The following GABRA3 variants were observed in gnomAD, a reference collection of about 807,000 sequenced individuals.
GABRA3 encodes gamma-aminobutyric acid receptor subunit alpha-3.
GABRA3 carries 10 observed loss-of-function variants against 30.1 expected under a neutral mutation model. The observed-to-expected ratio is 0.33, with a 90% confidence interval of 0.20 to 0.56. The LOEUF (loss-of-function observed/expected upper bound fraction) is 0.56, where lower values mean the gene tolerates loss of function less well. GABRA3 is among the 20% of genes least tolerant of loss of function. The pLI is 0.89. For missense variants in GABRA3, 233 were observed against 392.0 expected, an observed-to-expected ratio of 0.59 and a Z score of 3.42; for synonymous variants, 151 against 146.8, an observed-to-expected ratio of 1.03 and a Z score of -0.21.
chrX:152,435,711 T>C (rs941476264), intron 1 of GABRA3, among the ~76,000 whole-genome samples: 3 of 110,800 alleles, frequency 2.7e-5, no homozygotes, highest in African/African-American at 9.9e-5. Flanking sequence ...ACCTGCACAT[T>C]CTGCACATGT....
chrX:152,389,011 T>C (rs995141911), intron 1 of GABRA3, among the ~76,000 whole-genome samples: 1 of 112,145 alleles, frequency 8.9e-6, no homozygotes, highest in Non-Finnish European at 1.9e-5. Context: ...AGTACTATAG[T>C]AGACAATCAT....
chrX:152,373,768 C>T (rs988445514), intron 1 of GABRA3, among the ~76,000 whole-genome samples: 1 of 109,494 alleles, frequency 9.1e-6, no homozygotes, highest in African/African-American at 3.3e-5. Flanking sequence ...CCAATGCTAT[C>T]CCTCCCCCAT....
chrX:152,446,463 A>T (rs1931089598), intron 1 of GABRA3, among the ~76,000 whole-genome samples: 1 of 110,223 alleles, frequency 9.1e-6, no homozygotes, highest in Admixed American at 9.6e-5. Context: ...TGGCACCTTC[A>T]TAACACTGTA....
chrX:152,399,908 T>C (rs1408513043), intron 1 of GABRA3, among the ~76,000 whole-genome samples: 1 of 111,203 alleles, frequency 9.0e-6, no homozygotes, highest in African/African-American at 3.3e-5. Context: ...CCCTAGTGAC[T>C]TACCTATTTG....
intron 8 of GABRA3, among the ~76,000 whole-genome samples, chrX:152,195,687 T>C (rs1937376423): frequency 1.8e-5 from 2 of 111,928 alleles, no homozygotes; most frequent in Admixed American, 9.5e-5. Flanking sequence ...CATTGCTTTC[T>C]CCTCCATAGT....
At chrX:152,237,463 T>A (rs1290376517) in intron 5 of GABRA3, among the ~76,000 whole-genome samples, 2 of 101,382 alleles carry the variant, frequency 2.0e-5, no homozygotes, top group African/African-American at 7.6e-5. Flanking sequence ...GGCTTAGGAT[T>A]GACTTGGCAA....
At chrX:152,378,580 AAC>A (rs1929059396) in intron 1 of GABRA3, among the ~76,000 whole-genome samples, 1 of 111,665 alleles carries the variant, frequency 9.0e-6, no homozygotes, top group South Asian at 3.7e-4. Context: ...AAATGAAAAA[AAC>A]ACACACACAA....
At chrX:152,317,982 A>G (rs1939903888) in intron 3 of GABRA3, among the ~76,000 whole-genome samples, 1 of 111,525 alleles carries the variant, frequency 9.0e-6, no homozygotes, top group African/African-American at 3.3e-5. Context: ...AGACTATGAA[A>G]TTGAAACAAA....
At chrX:152,330,886 A>T (rs1288720921) in intron 3 of GABRA3, among the ~76,000 whole-genome samples, 2 of 111,870 alleles carry the variant, frequency 1.8e-5, no homozygotes, top group Non-Finnish European at 3.8e-5. Flanking sequence ...TTCATAATTA[A>T]TATTAACATA....
chrX:152,258,926 C>T (rs757348751), intron 4 of GABRA3, among the ~76,000 whole-genome samples: 1 of 111,711 alleles, frequency 9.0e-6, no homozygotes, highest in Non-Finnish European at 1.9e-5. Context: ...CAGGAGAGCA[C>T]TCACAGTGCC....
chrX:152,253,642 T>A (rs1282722315), intron 5 of GABRA3, among the ~76,000 whole-genome samples: 1 of 111,922 alleles, frequency 8.9e-6, no homozygotes, highest in African/African-American at 3.2e-5. Context: ...TGTTTCTTAA[T>A]CATTTTATCT....
At chrX:152,231,136 G>A (rs1176125382) in intron 5 of GABRA3, among the ~76,000 whole-genome samples, 1 of 92,157 alleles carries the variant, frequency 1.1e-5, no homozygotes, top group Non-Finnish European at 2.0e-5. Flanking sequence ...ACAAAAATGA[G>A]AAGTGTATAT....
chrX:152,221,985 C>T (rs913997465), intron 6 of GABRA3, among the ~76,000 whole-genome samples: 4 of 111,805 alleles, frequency 3.6e-5, no homozygotes, highest in Admixed American at 9.5e-5. Flanking sequence ...GTTTTCTGTT[C>T]GTGTGTTAGC....
intron 8 of GABRA3, among the ~76,000 whole-genome samples, chrX:152,191,739 T>C (rs937198280): frequency 2.7e-5 from 3 of 110,417 alleles, no homozygotes; most frequent in African/African-American, 9.9e-5. Context: ...GCTATATAAA[T>C]GAAAATCCAG....
At chrX:152,366,697 C>T (rs888665466) in intron 1 of GABRA3, among the ~76,000 whole-genome samples, 3 of 112,287 alleles carry the variant, frequency 2.7e-5, no homozygotes, top group African/African-American at 9.7e-5. Context: ...ATCCATGTGG[C>T]TGGAGGCAAA....
intron 4 of GABRA3, among the ~76,000 whole-genome samples, chrX:152,268,011 C>T (rs908186433): frequency 9.2e-6 from 1 of 109,181 alleles, no homozygotes; most frequent in Non-Finnish European, 1.9e-5. Flanking sequence ...TACTATTACA[C>T]CTACTAATTT....
chrX:152,450,179 C>G (rs944228225), intron 1 of GABRA3, among the ~76,000 whole-genome samples: 12 of 110,150 alleles, frequency 1.1e-4, no homozygotes, highest in Non-Finnish European at 2.3e-4. Context: ...CCAAACTACT[C>G]ACGTTAGTAA....
intron 3 of GABRA3, among the ~76,000 whole-genome samples, chrX:152,298,626 G>T (rs771686913): frequency 1.8e-3 from 202 of 110,634 alleles, no homozygotes; most frequent in African/African-American, 6.5e-3. Context: ...GTCTATCATT[G>T]TTGGACATTT....
chrX:152,414,795 G>T (rs1881811393), intron 1 of GABRA3, among the ~76,000 whole-genome samples: 1 of 102,795 alleles, frequency 9.7e-6, no homozygotes. Context: ...GATGACCTGT[G>T]ACACATACAA....
Sources: gnomAD v4.1 joint callset for allele counts (sites outside exome capture counted in the v4.1 genomes callset) on GRCh38, gnomAD v4.1.1 for gene constraint, MANE v1.5 for transcripts, NCBI Gene and HGNC (gene_info 2026-07-23, HGNC 2026-07-21) for gene names.